Variants in LINGO2 observed in about 807,000 individuals in gnomAD.
LINGO2 encodes the protein leucine rich repeat and Ig domain containing 2.
In LINGO2, 14 loss-of-function variants were observed where a neutral mutation model predicts 30.6. That is an observed-to-expected ratio of 0.46 (90% CI 0.30 to 0.72). The LOEUF (loss-of-function observed/expected upper bound fraction) is 0.72. Among genes scored for constraint, LINGO2 ranks in the 30% least tolerant of loss-of-function variants. LINGO2 has a pLI of 0.07. For synonymous variants in LINGO2, 317 were observed against 288.5 expected, an observed-to-expected ratio of 1.10 and a Z score of -1.00; for missense variants, 729 against 751.7, an observed-to-expected ratio of 0.97 and a Z score of 0.35.
intron 4 of LINGO2, among the ~76,000 whole-genome samples, chr9:28,187,506 AAGAC>A (rs1819584463): frequency 1.3e-5 from 2 of 151,970 alleles, no homozygotes; most frequent in Admixed American, 6.6e-5. Context: ...AAAAAAAAAA[AAGAC>A]AGAGGATTCA....
intron 4 of LINGO2, among the ~76,000 whole-genome samples, chr9:28,278,749 A>G (rs746271995): frequency 1.3e-5 from 2 of 152,340 alleles, no homozygotes; most frequent in Non-Finnish European, 1.5e-5. Context: ...TTTCATGCCT[A>G]TTAACACAAC....
exon 6 of LINGO2, chr9:27,950,216 T>C (rs1354708016): frequency 1.2e-6 from 2 of 1,614,024 alleles, no homozygotes; most frequent in South Asian, 1.1e-5. Context: ...TCAGGTTATG[T>C]AGATCTTGGA....
intron 4 of LINGO2, among the ~76,000 whole-genome samples, chr9:28,152,749 A>C (rs554705349): frequency 2.0e-5 from 3 of 152,238 alleles, no homozygotes; most frequent in Admixed American, 2.0e-4. Flanking sequence ...ATGTAAAAAA[A>C]TAAAAATGCA....
chr9:28,555,653 C>G (rs1461914787), intron 1 of LINGO2, among the ~76,000 whole-genome samples: 7 of 151,940 alleles, frequency 4.6e-5, no homozygotes, highest in Non-Finnish European at 1.0e-4. Flanking sequence ...TTTATGAGGC[C>G]AGCATCATTC....
the LINGO2 span, among the ~76,000 whole-genome samples, chr9:28,838,603 T>G: frequency 6.6e-5 from 10 of 152,156 alleles, no homozygotes. Context: ...GCTAATAATC[T>G]GGGGGTCATC....
At chr9:29,078,799 C>T in the LINGO2 span, among the ~76,000 whole-genome samples, 1 of 151,874 alleles carries the variant, frequency 6.6e-6, no homozygotes, top group Admixed American at 6.6e-5. Flanking sequence ...AGCAATTTGT[C>T]CCATTATCTT....
chr9:28,402,424 GA>G (rs1235256280), intron 2 of LINGO2, among the ~76,000 whole-genome samples: 1 of 151,954 alleles, frequency 6.6e-6, no homozygotes, highest in Non-Finnish European at 1.5e-5. Context: ...TAGAAAATAA[GA>G]AATCATCATC....
upstream of LINGO2, among the ~76,000 whole-genome samples, chr9:28,673,660 C>T (rs1487503232): frequency 7.4e-6 from 1 of 135,940 alleles, no homozygotes; most frequent in African/African-American, 2.8e-5. Context: ...GAGTGAGACT[C>T]TGTCTCGATC....
the LINGO2 span, among the ~76,000 whole-genome samples, chr9:28,960,655 TTTGTGTGGGCACA>T: frequency 1.7e-5 from 1 of 60,182 alleles, no homozygotes. Context: ...ATTTAATTTT[TTTGTGTGGGCACA>T]TATTTCATTT....
chr9:28,352,594 T>G (rs1384197784), intron 3 of LINGO2, among the ~76,000 whole-genome samples: 1 of 139,810 alleles, frequency 7.2e-6, no homozygotes. Context: ...ATTTACATAT[T>G]CAATGCCATC....
chr9:29,091,985 TTAGTCACGTGG>T, the LINGO2 span, among the ~76,000 whole-genome samples: 1 of 152,056 alleles, frequency 6.6e-6, no homozygotes, highest in Non-Finnish European at 1.5e-5. Context: ...GATATCCTAG[TTAGTCACGTGG>T]TAGTCCAACC....
At chr9:28,699,151 T>G in the LINGO2 span, among the ~76,000 whole-genome samples, 2 of 152,010 alleles carry the variant, frequency 1.3e-5, no homozygotes, top group Non-Finnish European at 2.9e-5. Context: ...AAGTCCAAAT[T>G]TTACATTAAT....
chr9:28,469,271 GA>G lies in LINGO2; in HGVS notation c.-279+6668del, dbSNP rs1205998317. Among the ~76,000 whole-genome samples, 108 of 127,860 alleles carry G rather than the reference GA, an allele frequency of 8.4e-4. No individual in the cohort carries two copies. In the Middle Eastern group the frequency reaches 0.012, roughly 14 times the overall value. The allele number at this position is 127,860 out of a possible 152,430, so 83.9% of individuals were successfully genotyped here. A position where few individuals can be genotyped will look rare whatever the true frequency, so the allele number is the denominator to read the frequency against. Reference sequence around the variant, plus strand: ...AACTATTAAGTCTGAAGAGTAAAAAGAAAAAAAAAAAGAGTAAAGAAAAGTG... The same window carrying G: ...AACTATTAAGTCTGAAGAGTAAAAAGAAAAAAAAAAGAGTAAAGAAAAGTG... On this transcript the variant is annotated intron_variant, in intron 2 of 5. Coordinates refer to ENST00000379992, the Ensembl canonical transcript of LINGO2.
chr9:28,801,280 G>A, the LINGO2 span, among the ~76,000 whole-genome samples: 14 of 152,046 alleles, frequency 9.2e-5, no homozygotes, highest in Non-Finnish European at 2.1e-4. Context: ...CCTCAAGGTA[G>A]TGCTTTCCAC....
chr9:28,234,416 G>C, intron 4 of LINGO2, among the ~76,000 whole-genome samples: 1 of 152,208 alleles, frequency 6.6e-6, no homozygotes, highest in Non-Finnish European at 1.5e-5. Flanking sequence ...AACTTGATTG[G>C]ATTGAAGGAT....
chr9:28,663,306 G>T (rs1187371252), intron 1 of LINGO2, among the ~76,000 whole-genome samples: 1 of 152,104 alleles, frequency 6.6e-6, no homozygotes, highest in Non-Finnish European at 1.5e-5. Flanking sequence ...GAGTAGCTGG[G>T]ACTACAGGTG....
chr9:28,908,026 A>G, the LINGO2 span, among the ~76,000 whole-genome samples: 2 of 151,868 alleles, frequency 1.3e-5, no homozygotes, highest in Non-Finnish European at 2.9e-5. Flanking sequence ...AGCATTACTT[A>G]GTACTAAAAT....
In LINGO2 at chr9:28,561,161, C is replaced by T. The variant is rs1003143679; in HGVS notation, c.-364-85136G>A. ...CCTTATGTTTTTGTAACTCCTACCA[C>T]TAATTTTCTCTTACCATATGCACTC... On this transcript the variant is annotated intron_variant, in intron 1 of 5. Coordinates refer to ENST00000379992, the Ensembl canonical transcript of LINGO2. Among the ~76,000 whole-genome samples the T allele has an allele frequency of 2.0e-5, 3 of 151,966 alleles. No homozygotes were observed. The South Asian group carries it at 6.2e-4, about 31-fold the overall frequency.
chr9:28,523,455 G>C (rs915682807), intron 1 of LINGO2, among the ~76,000 whole-genome samples: 3 of 151,928 alleles, frequency 2.0e-5, no homozygotes, highest in African/African-American at 7.3e-5. Context: ...GTATAAACAG[G>C]ACAATTAGGC....
Sources: allele counts gnomAD v4.1 joint callset (sites outside exome capture counted in the v4.1 genomes callset), GRCh38; gene constraint gnomAD v4.1.1; transcripts MANE v1.5; gene names NCBI Gene and HGNC (gene_info 2026-07-23, HGNC 2026-07-21).